The following SLC24A2 variants were observed in gnomAD, a reference collection of about 807,000 sequenced individuals.
SLC24A2 encodes sodium/potassium/calcium exchanger 2.
SLC24A2 carries 36 observed loss-of-function variants against 62.0 expected under a neutral mutation model. That is an observed-to-expected ratio of 0.58 (90% CI 0.44 to 0.77). The LOEUF is 0.77. Ranked by LOEUF, SLC24A2 falls within the 30% of genes least tolerant of loss-of-function variation. The pLI is 0.00. For synonymous variants in SLC24A2, 358 were observed against 294.0 expected (o/e 1.22, Z -2.23); for missense variants, 846 against 817.9 (o/e 1.03, Z -0.42).
intron 2 of SLC24A2, among the ~76,000 whole-genome samples, chr9:19,715,890 C>G (rs187133009): frequency 2.6e-5 from 4 of 152,266 alleles, no homozygotes; most frequent in African/African-American, 7.2e-5. Context: ...TTTTCAAGTT[C>G]TTTTGAGTTG....
intron 2 of SLC24A2, among the ~76,000 whole-genome samples, chr9:19,782,571 G>T (rs1399328521): frequency 6.6e-6 from 1 of 152,134 alleles, no homozygotes; most frequent in Non-Finnish European, 1.5e-5. Flanking sequence ...TAACCCTAAG[G>T]GGTATGACGG....
chr9:19,829,791 GTGTGTGTA>G, the SLC24A2 span, among the ~76,000 whole-genome samples: 2 of 22,450 alleles, frequency 8.9e-5, no homozygotes, highest in African/African-American at 1.7e-4. Context: ...GTGTGTGTGT[GTGTGTGTA>G]TATATATATA....
At chr9:19,936,007 G>C in the SLC24A2 span, among the ~76,000 whole-genome samples, 2 of 152,122 alleles carry the variant, frequency 1.3e-5, no homozygotes, top group Non-Finnish European at 2.9e-5. Context: ...TAATCACAAA[G>C]AGTTTTGAAA....
At chr9:20,020,388 GC>G in the SLC24A2 span, among the ~76,000 whole-genome samples, 1 of 152,156 alleles carries the variant, frequency 6.6e-6, no homozygotes, top group Non-Finnish European at 1.5e-5. Context: ...ATATTATGCA[GC>G]CCTAAAAAAG....
rs1048436592 is a variant in SLC24A2, at chr9:19,507,531, A to G, written c.*8622T>C. 1.3e-5 allele frequency: 2 copies of G among 152,218 alleles called. No homozygotes were observed. The highest frequency in any genetic ancestry group is 4.8e-5 in the African/African-American group (2 of 41,452). The allele number at this position is 152,218 out of a possible 1,614,324, so 9.4% of individuals were successfully genotyped here. Reference sequence around the variant, plus strand: ...AGTTACATAAAGTGATATTCTATGAATTGATTATCAGTAGTAGAAGCACAA... The same window carrying G: ...AGTTACATAAAGTGATATTCTATGAGTTGATTATCAGTAGTAGAAGCACAA... On this transcript the variant is annotated 3_prime_UTR_variant, in exon 11 of 11. Coordinates refer to ENST00000341998, the MANE Select transcript of SLC24A2 (RefSeq NM_020344.4).
chr9:19,905,587 AT>A, the SLC24A2 span, among the ~76,000 whole-genome samples: 16 of 151,700 alleles, frequency 1.1e-4, no homozygotes, highest in Non-Finnish European at 1.6e-4. Flanking sequence ...CTAATTTTGT[AT>A]TTTTAGTAGA....
the SLC24A2 span, among the ~76,000 whole-genome samples, chr9:19,866,614 T>C: frequency 7.3e-6 from 1 of 137,698 alleles, no homozygotes; most frequent in African/African-American, 2.6e-5. Context: ...AAGACAAACA[T>C]CACGTTTTCA....
chr9:19,732,309 G>A (rs1207537396), intron 2 of SLC24A2, among the ~76,000 whole-genome samples: 1 of 152,138 alleles, frequency 6.6e-6, no homozygotes, highest in African/African-American at 2.4e-5. Context: ...TCCACAGTCT[G>A]ATTAGCTTTC....
At chr9:20,219,123 T>C in the SLC24A2 span, among the ~76,000 whole-genome samples, 1 of 152,204 alleles carries the variant, frequency 6.6e-6, no homozygotes, top group Non-Finnish European at 1.5e-5. Context: ...AGTTACTCAA[T>C]GGAGTTGGGT....
intron 2 of SLC24A2, among the ~76,000 whole-genome samples, chr9:19,677,897 A>G (rs1036100743): frequency 1.3e-5 from 2 of 151,750 alleles, no homozygotes; most frequent in African/African-American, 4.8e-5. Context: ...AAGCAAACAT[A>G]AGCATATAAA....
At chr9:19,914,747 G>A in the SLC24A2 span, among the ~76,000 whole-genome samples, 1 of 151,952 alleles carries the variant, frequency 6.6e-6, no homozygotes, top group African/African-American at 2.4e-5. Flanking sequence ...ACTCAGATGA[G>A]GCAAGAAGGC....
Position 19,786,291 on chromosome 9 carries a change from A to G in SLC24A2, c.576T>C (p.Ser192=). The change falls in exon 2 of 11, where the codon TCT becomes TCC. Residue 192 remains serine, a synonymous_variant. Transcript: ENST00000341998. The surrounding 1 kb of genome is among the most constrained non-coding windows in gnomAD (Gnocchi z 5.0). ...TGTGAGCGATAAATACCCCTATGAG[A>G]GATGTGAAAAGTTCTGGGGCTGACC... is the stretch of plus-strand genomic sequence containing the variant. ...AGGSAPELFT[S]LIGVFIAHSN... 6.2e-7 allele frequency: 1 copy of G among 1,614,126 alleles called. No individual in the cohort carries two copies. Among genetic ancestry groups the G allele is most frequent in the Non-Finnish European group, 8.5e-7 (1 of 1,180,024 alleles).
At chr9:19,621,644 T>A (rs28497595) in intron 3 of SLC24A2, among the ~76,000 whole-genome samples, 1 of 152,156 alleles carries the variant, frequency 6.6e-6, no homozygotes, top group Non-Finnish European at 1.5e-5. Context: ...AAATCTGAAA[T>A]GTGATGTGTT....
At chr9:20,098,748 T>C in the SLC24A2 span, among the ~76,000 whole-genome samples, 1 of 152,358 alleles carries the variant, frequency 6.6e-6, no homozygotes, top group South Asian at 2.1e-4. Context: ...CACTTGTGAC[T>C]GTCTCTTTGT....
intron 9 of SLC24A2, among the ~76,000 whole-genome samples, chr9:19,522,167 C>T (rs538197589): frequency 6.6e-6 from 1 of 152,202 alleles, no homozygotes; most frequent in South Asian, 2.1e-4. Context: ...CACTGCCACA[C>T]CTGGCTAGTT....
the SLC24A2 span, among the ~76,000 whole-genome samples, chr9:19,937,298 A>T: frequency 6.6e-6 from 1 of 152,242 alleles, no homozygotes; most frequent in South Asian, 2.1e-4. Context: ...TAAAGAAGGC[A>T]TGGAGAGATG....
chr9:20,181,425 T>C, the SLC24A2 span, among the ~76,000 whole-genome samples: 3 of 152,150 alleles, frequency 2.0e-5, no homozygotes, highest in African/African-American at 7.2e-5. Flanking sequence ...ATGGTACTGG[T>C]ACCAAAACAG....
the SLC24A2 span, among the ~76,000 whole-genome samples, chr9:19,794,986 G>T: frequency 3.9e-5 from 6 of 152,326 alleles, no homozygotes; most frequent in East Asian, 1.2e-3. Context: ...TACTGGAAAA[G>T]AGGAGCCATG....
chr9:19,841,109 G>A, the SLC24A2 span, among the ~76,000 whole-genome samples: 4 of 151,986 alleles, frequency 2.6e-5, no homozygotes, highest in African/African-American at 7.3e-5. Context: ...CAATAAACAC[G>A]TATTTATTAA....
Sources: allele counts gnomAD v4.1 joint callset (sites outside exome capture counted in the v4.1 genomes callset), GRCh38; gene constraint gnomAD v4.1.1; non-coding constraint Gnocchi (gnomAD v3.1); transcripts MANE v1.5; gene names NCBI Gene and HGNC (gene_info 2026-07-23, HGNC 2026-07-21).